The following CSMD1 variants were observed in gnomAD, a reference collection of about 807,000 sequenced individuals.
CSMD1 encodes the protein CUB and sushi domain-containing protein 1.
CSMD1 carries 213 observed loss-of-function variants against 417.5 expected under a neutral mutation model. That is an observed-to-expected ratio of 0.51 (90% CI 0.46 to 0.57). The LOEUF (loss-of-function observed/expected upper bound fraction) is 0.57. Among genes scored for constraint, CSMD1 ranks in the 20% least tolerant of loss-of-function variants. The pLI is 0.00. For missense variants in CSMD1, 6,923 were observed against 4,529.7 expected (o/e 1.53, Z -15.17); for synonymous variants, 2,862 against 1,736.8 (o/e 1.65, Z -16.11).
intron 41 of CSMD1, among the ~76,000 whole-genome samples, chr8:3,135,883 G>C (rs1818051214): frequency 6.6e-6 from 1 of 152,032 alleles, no homozygotes; most frequent in African/African-American, 2.4e-5. Flanking sequence ...GGTTAGATTG[G>C]GGACATATCA....
chr8:4,047,706 C>G (rs2554554), intron 3 of CSMD1, among the ~76,000 whole-genome samples: 130,120 of 152,130 alleles, frequency 0.86, 55,834 homozygotes, highest in East Asian at 0.93. Context: ...TTTGTAATAG[C>G]TCAGTGGATT....
At chr8:4,612,822 G>T (rs1026694129) in intron 2 of CSMD1, among the ~76,000 whole-genome samples, 1 of 152,206 alleles carries the variant, frequency 6.6e-6, no homozygotes, top group African/African-American at 2.4e-5. Context: ...GGCTTTGACA[G>T]AATTTAAGAG....
chr8:3,450,609 C>G (rs1815641578), intron 12 of CSMD1, among the ~76,000 whole-genome samples: 1 of 151,842 alleles, frequency 6.6e-6, no homozygotes, highest in Admixed American at 6.6e-5. Flanking sequence ...ATCATGGTTT[C>G]CAGCTTCATC....
chr8:4,630,560 T>C (rs769872067), intron 2 of CSMD1, among the ~76,000 whole-genome samples: 1 of 152,190 alleles, frequency 6.6e-6, no homozygotes, highest in Non-Finnish European at 1.5e-5. Flanking sequence ...ATTTAAAGCA[T>C]ATGTTGACAA....
chr8:4,875,388 T>C (rs1431347867), intron 1 of CSMD1, among the ~76,000 whole-genome samples: 2 of 152,122 alleles, frequency 1.3e-5, no homozygotes, highest in African/African-American at 2.4e-5. Flanking sequence ...ATCAAGCCTT[T>C]ATTTCTCCAG....
At chr8:3,520,002 G>C (rs906654869) in intron 10 of CSMD1, among the ~76,000 whole-genome samples, 2 of 133,176 alleles carry the variant, frequency 1.5e-5, no homozygotes, top group African/African-American at 3.3e-5. Flanking sequence ...GCATATATAT[G>C]TGTGTGTGTG....
intron 3 of CSMD1, among the ~76,000 whole-genome samples, chr8:4,114,384 G>A (rs1051263082): frequency 6.6e-6 from 1 of 152,058 alleles, no homozygotes; most frequent in Non-Finnish European, 1.5e-5. Context: ...CCTACTGCTA[G>A]GAAAAAAAGA....
intron 3 of CSMD1, among the ~76,000 whole-genome samples, chr8:4,100,331 G>A (rs915022296): frequency 6.6e-6 from 1 of 152,096 alleles, no homozygotes; most frequent in African/African-American, 2.4e-5. Flanking sequence ...CCAAATGAAT[G>A]CCTCGTGACT....
At chr8:4,203,857 T>G (rs1480689527) in intron 3 of CSMD1, among the ~76,000 whole-genome samples, 1 of 152,148 alleles carries the variant, frequency 6.6e-6, no homozygotes, top group Non-Finnish European at 1.5e-5. Context: ...CCCAGCACTT[T>G]TGGAAGGCTG....
At chr8:4,207,426 C>G (rs1261287697) in intron 3 of CSMD1, among the ~76,000 whole-genome samples, 2 of 152,034 alleles carry the variant, frequency 1.3e-5, no homozygotes, top group African/African-American at 4.8e-5. Flanking sequence ...TGTCTTCAAC[C>G]AACTATTTTA....
At chr8:3,498,157 G>C (rs957763125) in intron 10 of CSMD1, among the ~76,000 whole-genome samples, 2 of 152,114 alleles carry the variant, frequency 1.3e-5, no homozygotes, top group African/African-American at 4.8e-5. Context: ...CGGTTCTGCT[G>C]AGAAATCTAA....
At chr8:4,195,937 C>A (rs1350487844) in intron 3 of CSMD1, among the ~76,000 whole-genome samples, 1 of 152,028 alleles carries the variant, frequency 6.6e-6, no homozygotes, top group Admixed American at 6.6e-5. Flanking sequence ...CCAGGCCGGG[C>A]GCGGTGGCTC....
intron 5 of CSMD1, among the ~76,000 whole-genome samples, chr8:3,825,073 T>G (rs186685340): frequency 4.6e-5 from 7 of 152,264 alleles, no homozygotes; most frequent in South Asian, 4.1e-4. Context: ...GGCTTCTAGG[T>G]ATGTGTGCTT....
At chr8:4,619,525 A>C (rs1313783051) in intron 2 of CSMD1, among the ~76,000 whole-genome samples, 1 of 152,164 alleles carries the variant, frequency 6.6e-6, no homozygotes, top group African/African-American at 2.4e-5. Context: ...CTCTGAGTCC[A>C]AACGTTTTGC....
Position 4,228,594 on chromosome 8 carries a change from T to G in CSMD1, c.415+191359A>C, listed in dbSNP as rs192890164. ...AATTCTCTTCTCTGTCAGATCTTTT[T>G]TTTTTTTTTTTCCTACCCTCACTTC... On this transcript the variant is annotated intron_variant, in intron 3 of 69. Coordinates refer to ENST00000635120, the MANE Select transcript of CSMD1 (RefSeq NM_033225.6). Among the ~76,000 whole-genome samples the G allele has an allele frequency of 9.3e-3, 1,417 of 151,620 alleles. 19 individuals are homozygous for G. The highest frequency in any genetic ancestry group is 0.012 in the Non-Finnish European group (831 of 67,840).
At chr8:4,138,022 C>T (rs13266738) in intron 3 of CSMD1, among the ~76,000 whole-genome samples, 4 of 140,398 alleles carry the variant, frequency 2.8e-5, no homozygotes, top group African/African-American at 7.9e-5. Flanking sequence ...CGACTAGAGG[C>T]GCCCGCCACC....
chr8:3,567,918 G>A lies in CSMD1; in HGVS notation c.1344+7027C>T, dbSNP rs1219811842. ...TCCTTCCACACATCATCACACACAT[G>A]TGTTGACATCCCCATGGACGCCGGA... On this transcript the variant is annotated intron_variant, in intron 10 of 69. Coordinates refer to ENST00000635120, the MANE Select transcript of CSMD1 (RefSeq NM_033225.6). Among the ~76,000 whole-genome samples, 4 of 151,596 alleles carry A rather than the reference G, an allele frequency of 2.6e-5. No homozygotes were observed. The East Asian group carries it at 7.7e-4, about 29-fold the overall frequency.
At chr8:4,905,042 G>T (rs920761793) in intron 1 of CSMD1, among the ~76,000 whole-genome samples, 2 of 152,082 alleles carry the variant, frequency 1.3e-5, no homozygotes, top group Non-Finnish European at 2.9e-5. Flanking sequence ...AAATAGCTGG[G>T]ACCTTCTGAA....
At chr8:2,977,766 G>A (rs2128937015) in intron 55 of CSMD1, among the ~76,000 whole-genome samples, 1 of 152,156 alleles carries the variant, frequency 6.6e-6, no homozygotes, top group East Asian at 1.9e-4. Flanking sequence ...GTGGGCAAAG[G>A]ACATGAACAG....
Sources: allele counts gnomAD v4.1 joint callset (sites outside exome capture counted in the v4.1 genomes callset), GRCh38; gene constraint gnomAD v4.1.1; transcripts MANE v1.5; gene names NCBI Gene and HGNC (gene_info 2026-07-23, HGNC 2026-07-21).